CC2D1A: variants seen among roughly 807,000 people sequenced by gnomAD.
The protein encoded by CC2D1A is coiled-coil and C2 domain containing 1A, also known as coiled-coil and C2 domain-containing protein 1A.
CC2D1A carries 68 observed loss-of-function variants against 123.8 expected under a neutral mutation model. The ratio of observed to expected loss-of-function variants is 0.55; its 90% CI spans 0.45 to 0.67. The LOEUF is 0.67. CC2D1A is among the 30% of genes least tolerant of loss of function. The probability of loss-of-function intolerance (pLI) is 0.00; values close to 1 mark genes in which losing one functional copy is unlikely to be tolerated. For synonymous variants in CC2D1A, 477 were observed against 528.0 expected (o/e 0.90, Z 1.32); for missense variants, 1,185 against 1,290.3 (o/e 0.92, Z 1.25).
chr19:13,914,971 A>G (rs900894683), intron 6 of CC2D1A, among the ~76,000 whole-genome samples: 1 of 152,262 alleles, frequency 6.6e-6, no homozygotes, highest in Non-Finnish European at 1.5e-5. Context: ...CCTGGCAGGA[A>G]GCAAAGAGAC....
chr19:13,917,995 A>G, intron 6 of CC2D1A, 75 bp from the exon 7 acceptor site: 1 of 1,488,608 alleles, frequency 6.7e-7, no homozygotes, highest in Non-Finnish European at 9.0e-7. Flanking sequence ...AATTAAATAA[A>G]TAAATAACAA....
rs368565271 is a variant in CC2D1A at position 13,920,891 on chromosome 19, C to T, written c.1610C>T (p.Ser537Leu). The T allele has an allele frequency of 7.2e-5, 116 of 1,613,964 alleles. No individual in the cohort carries two copies. Among genetic ancestry groups the T allele is most frequent in the East Asian group, 5.8e-4 (26 of 44,878 alleles). Reference protein sequence around the residue: ...AKGLEPMLEASRNGLPVDITK... With the variant: ...AKGLEPMLEALRNGLPVDITK... Reference sequence around the variant, plus strand: ...GGACTGGAGCCTATGCTGGAGGCCTCGCGCAATGGGCTGCCTGTGGACATC... The same window carrying T: ...GGACTGGAGCCTATGCTGGAGGCCTTGCGCAATGGGCTGCCTGTGGACATC... The change falls in exon 14 of 29, where the codon TCG becomes TTG. Residue 537 changes from serine (S) to leucine (L), a missense_variant. By Grantham distance (145) the Ser-to-Leu change is moderately radical (BLOSUM62 -2). Coordinates refer to ENST00000318003, the MANE Select transcript of CC2D1A (RefSeq NM_017721.5).
chr19:13,916,683 A>T (rs1469644175), intron 6 of CC2D1A, among the ~76,000 whole-genome samples: 1 of 152,222 alleles, frequency 6.6e-6, no homozygotes, highest in Non-Finnish European at 1.5e-5. Context: ...AAGATTTATA[A>T]TCACAGGAAA....
At chr19:13,912,772 C>T (rs1971048913) in intron 4 of CC2D1A, among the ~76,000 whole-genome samples, 179 bp downstream of exon 4, 2 of 152,222 alleles carry the variant, frequency 1.3e-5, no homozygotes, top group South Asian at 4.1e-4. Flanking sequence ...CCCACCTCAG[C>T]CTCCCCAGTA....
At chr19:13,927,794 A>C (rs1971698596) in intron 22 of CC2D1A, 99 bp from the exon 23 acceptor site, 11 of 1,309,292 alleles carry the variant, frequency 8.4e-6, no homozygotes, top group Non-Finnish European at 1.1e-5. Flanking sequence ...AAAAAAAAAA[A>C]ACCAAAAAAA....
In CC2D1A at chr19:13,923,103, G is replaced by A. The variant is rs538768409; in HGVS notation, c.1642-230G>A. ...AGCTACTCAGGAGGCTGAGGCAGGA[G>A]AATCACTTGAACCCGGGAGGTGGAA... On this transcript the variant is annotated intron_variant, in intron 14 of 28. Coordinates refer to ENST00000318003, the MANE Select transcript of CC2D1A (RefSeq NM_017721.5). The surrounding 1 kb of genome is among the most constrained non-coding windows in gnomAD (Gnocchi z 5.3). 2.6e-5 allele frequency among the ~76,000 whole-genome samples: 4 copies of A among 151,926 alleles called. No homozygotes were observed. The South Asian group carries it at 8.3e-4, about 32-fold the overall frequency.
intron 2 of CC2D1A, 80 bp downstream of exon 2, chr19:13,910,038 G>C (rs1256909923): frequency 4.4e-6 from 6 of 1,364,784 alleles, no homozygotes; most frequent in African/African-American, 2.9e-5. Context: ...GCACTGGGTA[G>C]GTAGGGGAAA....
rs778117971 is a variant in CC2D1A at position 13,918,575 on chromosome 19, C to T, written c.945C>T (p.Pro315=). 5 of 1,613,054 alleles carry T rather than the reference C, an allele frequency of 3.1e-6. No individual in the cohort carries two copies. Among genetic ancestry groups the T allele is most frequent in the African/African-American group, 1.3e-5 (1 of 74,914 alleles). Residue 315 remains proline (P), a splice_region_variant and synonymous_variant, in exon 8 of 29, where the codon CCC becomes CCT. Coordinates refer to ENST00000318003, the MANE Select transcript of CC2D1A (RefSeq NM_017721.5). ...PVDLSCLPPP[P]DQLPPDPPSP... is the part of the protein sequence containing the mutation. The stretch of plus-strand genomic sequence containing the variant: ...ACCTCTCCTGCCTGCCCCCTCCACC[C>T]GGTGAGAACCCTGCCATGCCCACTC...
Position 13,930,688 on chromosome 19 carries a change from G to A in CC2D1A, c.*293G>A, listed in dbSNP as rs1599416645. On this transcript the variant is annotated 3_prime_UTR_variant, in exon 29 of 29. Transcript: ENST00000318003. This position sits in a 1 kb window ranked among gnomAD's most constrained non-coding sequence, Gnocchi z 6.8. ...CCGCCCCGGAGCAGGGAGGGTGGCT[G>A]GGGCCAAGCCCCGAGGGCCCCTGCA... is the stretch of plus-strand genomic sequence containing the variant. 1.0e-5 allele frequency: 5 copies of A among 494,704 alleles called. No homozygotes were observed. Among genetic ancestry groups the A allele is most frequent in the East Asian group, 9.7e-5 (3 of 31,020 alleles). The allele number at this position is 494,704 out of a possible 1,614,324, so 30.6% of individuals were successfully genotyped here.
intron 14 of CC2D1A, 116 bp downstream of exon 14, chr19:13,921,038 G>C: frequency 1.0e-6 from 1 of 983,710 alleles, no homozygotes; most frequent in Non-Finnish European, 1.5e-6. Flanking sequence ...GTAACAAATA[G>C]GTCCTCCCAA....
At chr19:13,916,465 G>A (rs113966100) in intron 6 of CC2D1A, among the ~76,000 whole-genome samples, 9,298 of 152,180 alleles carry the variant, frequency 0.061, 360 homozygotes, top group South Asian at 0.15. Flanking sequence ...TTGGGAGGCT[G>A]AGGTGGGAGA....
rs1970725717 is a variant in CC2D1A, at chr19:13,906,336, G to A, written c.-106G>A. On this transcript the variant is annotated 5_prime_UTR_variant, in exon 1 of 29. Coordinates refer to ENST00000318003, the MANE Select transcript of CC2D1A (RefSeq NM_017721.5). This position sits in a 1 kb window ranked among gnomAD's most constrained non-coding sequence, Gnocchi z 4.1. ...ATCGACGGCCGCGGGGCGCCGACGA[G>A]GAGTGCAGGACTCAGGAAGGGCGAG... 2 of 828,736 alleles carry A rather than the reference G, an allele frequency of 2.4e-6. No homozygotes were observed. The highest frequency in any genetic ancestry group is 6.7e-5 in the East Asian group (2 of 29,680). 51.3% of individuals were successfully genotyped at this position (828,736 alleles called of 1,614,324 possible). A position where few individuals can be genotyped will look rare whatever the true frequency, so the allele number is the denominator to read the frequency against.
At chr19:13,910,287 A>T (rs1468971553) in intron 2 of CC2D1A, among the ~76,000 whole-genome samples, 1 of 151,146 alleles carries the variant, frequency 6.6e-6, no homozygotes, top group Admixed American at 6.6e-5. Context: ...GGGCGCCTGT[A>T]GTCCCAGCTA....
At chr19:13,929,067 G>C (rs1971760284) in intron 24 of CC2D1A, among the ~76,000 whole-genome samples, 1 of 146,616 alleles carries the variant, frequency 6.8e-6, no homozygotes, top group Non-Finnish European at 1.5e-5. Context: ...GCAGTGGTGT[G>C]ATCTCGGCTC....
intron 22 of CC2D1A, 133 bp downstream of exon 22, chr19:13,927,398 T>A (rs544091199): frequency 2.9e-6 from 2 of 698,430 alleles, no homozygotes; most frequent in South Asian, 3.4e-5. Context: ...GCCTCAGACC[T>A]CCCTACTGCC....
chr19:13,930,526 G>A lies in CC2D1A; in HGVS notation c.*131G>A. The A allele has an allele frequency of 9.4e-7, 1 of 1,067,172 alleles. No homozygotes were observed. Among genetic ancestry groups the A allele is most frequent in the Admixed American group, 2.9e-5 (1 of 34,886 alleles). 66.1% of individuals were successfully genotyped at this position (1,067,172 alleles called of 1,614,324 possible). On this transcript the variant is annotated 3_prime_UTR_variant, in exon 29 of 29. Transcript: ENST00000318003. This position sits in a 1 kb window ranked among gnomAD's most constrained non-coding sequence, Gnocchi z 6.8. The stretch of plus-strand genomic sequence containing the variant: ...GGTTCTGGACTCACCCCTCATCCGG[G>A]CCCCCAGCCCCGCCAGAGCCTCCGT...
chr19:13,908,672 G>A (rs2145291483), intron 1 of CC2D1A, among the ~76,000 whole-genome samples: 1 of 152,030 alleles, frequency 6.6e-6, no homozygotes, highest in Non-Finnish European at 1.5e-5. Context: ...CACCATGTTG[G>A]CTAGGCTGGT....
Position 13,920,741 on chromosome 19 carries a change from T to C in CC2D1A, c.1469-9T>C. ...TGGGCAGCACCCATAGCAGCTCCTA[T>C]GCCCACAGCCCAGCAGCAGCTGGCC... is the stretch of plus-strand genomic sequence containing the variant. On this transcript the variant is annotated splice_polypyrimidine_tract_variant and intron_variant, in intron 13 of 28. Transcript: ENST00000318003. The C allele has an allele frequency of 1.2e-6, 2 of 1,612,670 alleles. No homozygotes were observed. Among genetic ancestry groups the C allele is most frequent in the Non-Finnish European group, 1.7e-6 (2 of 1,179,328 alleles).
chr19:13,926,058 G>GTGTATATATATA (rs1568419088), intron 17 of CC2D1A, among the ~76,000 whole-genome samples: 5 of 98,980 alleles, frequency 5.1e-5, no homozygotes, highest in African/African-American at 2.4e-4. Flanking sequence ...GTATATATAT[G>GTGTATATATATA]TATATATACA....
Sources: gnomAD v4.1 joint callset for allele counts (sites outside exome capture counted in the v4.1 genomes callset) on GRCh38, gnomAD v4.1.1 for gene constraint, Gnocchi (gnomAD v3.1) non-coding constraint, MANE v1.5 for transcripts, NCBI Gene and HGNC (gene_info 2026-07-23, HGNC 2026-07-21) for gene names.